TENM4: variants seen among roughly 807,000 people sequenced by gnomAD.
TENM4 encodes the protein teneurin transmembrane protein 4.
TENM4 carries 82 observed loss-of-function variants against 243.3 expected under a neutral mutation model. The observed-to-expected ratio is 0.34, with a 90% confidence interval of 0.28 to 0.40. The LOEUF (loss-of-function observed/expected upper bound fraction) is 0.40, where lower values mean the gene tolerates loss of function less well. TENM4 is among the 10% of genes least tolerant of loss of function. The pLI is 1.00. For missense variants in TENM4, 3,138 were observed against 3,673.3 expected, an observed-to-expected ratio of 0.85 and a Z score of 3.77; for synonymous variants, 1,412 against 1,456.3, an observed-to-expected ratio of 0.97 and a Z score of 0.69.
At chr11:78,795,082 C>A (rs112057605) in intron 15 of TENM4, among the ~76,000 whole-genome samples, 1 of 152,128 alleles carries the variant, frequency 6.6e-6, no homozygotes, top group Admixed American at 6.5e-5. Flanking sequence ...GCTCCTTTAC[C>A]GTGATCTTCA....
At chr11:79,396,486 A>G (rs1457836150) in intron 1 of TENM4, among the ~76,000 whole-genome samples, 1 of 152,176 alleles carries the variant, frequency 6.6e-6, no homozygotes, top group African/African-American at 2.4e-5. Context: ...TCTTAATAGA[A>G]GCCCTGTGAT....
chr11:79,250,343 A>G (rs1290246879), intron 2 of TENM4, among the ~76,000 whole-genome samples: 3 of 152,252 alleles, frequency 2.0e-5, no homozygotes, highest in East Asian at 3.8e-4. Context: ...GCTAAATGAG[A>G]TAATCCACAT....
At chr11:79,033,301 G>C (rs184682021) in intron 6 of TENM4, among the ~76,000 whole-genome samples, 2 of 152,318 alleles carry the variant, frequency 1.3e-5, no homozygotes, top group African/African-American at 4.8e-5. Context: ...TGGAGGTCAA[G>C]TTCCTAGGGG....
At chr11:79,347,222 A>G (rs553476729) in intron 1 of TENM4, among the ~76,000 whole-genome samples, 10 of 152,272 alleles carry the variant, frequency 6.6e-5, no homozygotes, top group African/African-American at 2.4e-4. Flanking sequence ...TGCTACATAA[A>G]TAAAGCTTCC....
intron 1 of TENM4, among the ~76,000 whole-genome samples, chr11:79,319,154 G>C (rs566811342): frequency 1.3e-5 from 2 of 152,310 alleles, no homozygotes; most frequent in South Asian, 4.2e-4. Context: ...TAAGTAGCTA[G>C]CCTAGAGTCA....
chr11:78,888,862 T>C (rs1855601817), intron 9 of TENM4, among the ~76,000 whole-genome samples: 1 of 152,212 alleles, frequency 6.6e-6, no homozygotes, highest in Non-Finnish European at 1.5e-5. Flanking sequence ...CCTTAAGCCT[T>C]TGAATTACAG....
chr11:79,257,504 C>A (rs1262129666), intron 2 of TENM4, among the ~76,000 whole-genome samples: 2 of 152,068 alleles, frequency 1.3e-5, no homozygotes, highest in Non-Finnish European at 2.9e-5. Flanking sequence ...CTAATAGAAA[C>A]AATGGCCAGC....
chr11:78,725,956 G>T, intron 23 of TENM4, 123 bp downstream of exon 23: 1 of 1,312,538 alleles, frequency 7.6e-7, no homozygotes, highest in Non-Finnish European at 1.1e-6. Context: ...TGTTGACTGA[G>T]CTCTCTGACC....
intron 6 of TENM4, among the ~76,000 whole-genome samples, chr11:78,983,259 G>A (rs899311309): frequency 2.0e-5 from 3 of 152,210 alleles, no homozygotes; most frequent in African/African-American, 7.2e-5. Flanking sequence ...GTCAGGCCTT[G>A]GGTCAGGAAC....
rs531838713 is a variant in TENM4 at position 78,889,865 on chromosome 11, T to C, written c.1004A>G (p.Lys335Arg). 108 of 1,551,742 alleles carry C rather than the reference T, an allele frequency of 7.0e-5. No individual in the cohort carries two copies. The highest frequency in any genetic ancestry group is 9.8e-5 in the East Asian group (4 of 40,914). The change falls in exon 9 of 34, where the codon AAG becomes AGG. Residue 335 changes from lysine (K) to arginine (R), a missense_variant. By Grantham distance (26) the Lys-to-Arg change is conservative (BLOSUM62 2). Around this residue, in one of 2 missense-constraint regions of TENM4, gnomAD observed 671 missense variants for 614.1 expected, o/e 1.09. Transcript: ENST00000278550. The stretch of plus-strand genomic sequence containing the variant: ...GGCTGCGCACTTCCAGTTACAGTAC[T>C]TGGAGGGCTTCTTGAGGTTAAAGGC... The part of the protein sequence containing the change: ...RPAFNLKKPS[K>R]YCNWKCAALS...
intron 6 of TENM4, among the ~76,000 whole-genome samples, chr11:78,955,209 A>G (rs931231236): frequency 3.9e-5 from 6 of 152,232 alleles, no homozygotes; most frequent in African/African-American, 1.4e-4. Context: ...TCACATGGAC[A>G]CAGTGTTCAC....
In TENM4 at chr11:79,355,022, G is replaced by C. The variant is rs189395795; in HGVS notation, c.-320-57479C>G. 2.5e-3 allele frequency among the ~76,000 whole-genome samples: 374 copies of C among 152,298 alleles called. 3 individuals are homozygous for C. Among genetic ancestry groups the C allele is most frequent in the African/African-American group, 8.6e-3 (358 of 41,568 alleles). On this transcript the variant is annotated intron_variant, in intron 1 of 33. Transcript: ENST00000278550. ...GCTAACTGGGTCTACATTTAAAAGAGAGCCAAGAAGCCATTTGTTGACAAG... is the reference window on the plus strand; with the variant it reads ...GCTAACTGGGTCTACATTTAAAAGACAGCCAAGAAGCCATTTGTTGACAAG...
chr11:79,187,002 A>T (rs1403479188), intron 3 of TENM4, among the ~76,000 whole-genome samples: 1 of 152,172 alleles, frequency 6.6e-6, no homozygotes, highest in African/African-American at 2.4e-5. Context: ...CTCACTGGAG[A>T]GTAGAGTAAT....
chr11:79,230,013 T>G (rs1409575633), intron 2 of TENM4, among the ~76,000 whole-genome samples: 3 of 132,590 alleles, frequency 2.3e-5, no homozygotes, highest in Admixed American at 7.6e-5. Context: ...TTTTTTTTTT[T>G]GTAGTAGAGA....
chr11:79,199,386 T>A (rs1246003281), intron 3 of TENM4, among the ~76,000 whole-genome samples: 1 of 152,208 alleles, frequency 6.6e-6, no homozygotes, highest in Non-Finnish European at 1.5e-5. Flanking sequence ...AGCCGCCTCA[T>A]CTGCAAGATA....
At chr11:79,234,836 T>C (rs912084692) in intron 2 of TENM4, among the ~76,000 whole-genome samples, 2 of 151,972 alleles carry the variant, frequency 1.3e-5, no homozygotes, top group African/African-American at 4.8e-5. Context: ...GTCCTTGGAG[T>C]GGGGCCCGCA....
At position 78,657,785 on chromosome 11, in the gene TENM4, A is replaced by G. The variant is rs1857931383; in HGVS notation, c.*273T>C. The G allele has an allele frequency of 7.3e-6, 4 of 546,450 alleles. No homozygotes were observed. Among genetic ancestry groups the G allele is most frequent in the Non-Finnish European group, 9.8e-6 (3 of 307,426 alleles). 33.9% of individuals were successfully genotyped at this position (546,450 alleles called of 1,614,324 possible). ...TACATACCCCAAACGACAAGGGAAA[A>G]ATCCTCAAGGAAAAAGGGAACAAAA... On this transcript the variant is annotated 3_prime_UTR_variant, in exon 34 of 34. Coordinates refer to ENST00000278550, the MANE Select transcript of TENM4 (RefSeq NM_001098816.3).
chr11:78,710,385 G>A (rs775523946), intron 26 of TENM4, among the ~76,000 whole-genome samples: 2 of 152,208 alleles, frequency 1.3e-5, no homozygotes, highest in Non-Finnish European at 2.9e-5. Flanking sequence ...ATGCCCAGGG[G>A]CCTCTGAGTG....
At chr11:78,735,867 T>C (rs1388919406) in intron 20 of TENM4, among the ~76,000 whole-genome samples, 1 of 91,458 alleles carries the variant, frequency 1.1e-5, no homozygotes, top group Non-Finnish European at 2.6e-5. Flanking sequence ...CTCCTCTCCT[T>C]TCTTTTCTTC....
Sources: allele counts gnomAD v4.1 joint callset (sites outside exome capture counted in the v4.1 genomes callset), GRCh38; gene constraint gnomAD v4.1.1; regional missense constraint gnomAD v4.1.1; transcripts MANE v1.5; gene names NCBI Gene and HGNC (gene_info 2026-07-23, HGNC 2026-07-21).